TMEM143: variants seen among roughly 807,000 people sequenced by gnomAD.
TMEM143 encodes transmembrane protein 143.
A neutral mutation model predicts 40.3 loss-of-function variants in TMEM143; 45 were observed. That is an observed-to-expected ratio of 1.12 (90% confidence interval 0.88 to 1.43). The LOEUF (loss-of-function observed/expected upper bound fraction) is 1.43. Ranked by LOEUF, TMEM143 falls within the 40% of genes most tolerant of loss-of-function variation. The pLI is 0.00. For missense variants in TMEM143, 620 were observed against 613.4 expected (o/e 1.01, Z -0.11); for synonymous variants, 299 against 282.7 (o/e 1.06, Z -0.58).
intron 6 of TMEM143, among the ~76,000 whole-genome samples, chr19:48,337,589 C>T (rs1473534358): frequency 6.6e-6 from 1 of 151,868 alleles, no homozygotes; most frequent in Non-Finnish European, 1.5e-5. Context: ...AAAGCCTGGC[C>T]CCTCAGAAAC....
At chr19:48,341,026 G>A (rs1464816398) in intron 6 of TMEM143, among the ~76,000 whole-genome samples, 2 of 152,208 alleles carry the variant, frequency 1.3e-5, no homozygotes, top group African/African-American at 4.8e-5. Context: ...CTCTCAGGCG[G>A]CACAGCCTGG....
Position 48,333,364 on chromosome 19 carries a change from A to G in TMEM143, c.1235T>C (p.Phe412Ser). The part of the protein sequence containing the change: ...LLAKSGCEVT[F>S]NGTRALAHLQ... Reference sequence around the variant, plus strand: ...ATGCGCCAGGGCCCGAGTTCCGTTGAAGGTCACCTCACAGCCTGACTTGGC... The same window carrying G: ...ATGCGCCAGGGCCCGAGTTCCGTTGGAGGTCACCTCACAGCCTGACTTGGC... The change falls in exon 8 of 8, where the codon TTC (phenylalanine) becomes TCC (serine). Residue 412 changes from phenylalanine to serine, a missense_variant. By Grantham distance (155) the Phe-to-Ser change is radical. Transcript: ENST00000293261. This position sits in a 1 kb window ranked among gnomAD's most constrained non-coding sequence, Gnocchi z 4.1. 6.2e-7 allele frequency: 1 copy of G among 1,609,444 alleles called. No homozygotes were observed. The highest frequency in any genetic ancestry group is 8.5e-7 in the Non-Finnish European group (1 of 1,176,788).
intron 6 of TMEM143, among the ~76,000 whole-genome samples, chr19:48,341,600 C>A (rs1444771307): frequency 1.3e-5 from 2 of 152,158 alleles, no homozygotes; most frequent in Non-Finnish European, 2.9e-5. Flanking sequence ...ATGTGGGAGG[C>A]TCTATTCTCA....
chr19:48,338,381 TCA>T (rs1013542320), intron 6 of TMEM143, among the ~76,000 whole-genome samples: 1 of 152,146 alleles, frequency 6.6e-6, no homozygotes, highest in Non-Finnish European at 1.5e-5. Context: ...CCCAGTGCTC[TCA>T]GAGTCCAAGC....
chr19:48,357,938 T>C (rs960345838), intron 3 of TMEM143, among the ~76,000 whole-genome samples: 10 of 145,084 alleles, frequency 6.9e-5, no homozygotes, highest in East Asian at 4.0e-4. Flanking sequence ...GGGAGGGGGG[T>C]TGGGATGGGG....
intron 6 of TMEM143, among the ~76,000 whole-genome samples, chr19:48,335,332 G>A (rs537634639): frequency 6.6e-6 from 1 of 152,160 alleles, no homozygotes; most frequent in East Asian, 1.9e-4. Context: ...TAATCCCAAC[G>A]CTGAGAGGCC....
intron 6 of TMEM143, among the ~76,000 whole-genome samples, chr19:48,339,725 C>CTTTG (rs777100997): frequency 1.3e-5 from 2 of 151,868 alleles, no homozygotes; most frequent in East Asian, 1.9e-4. Context: ...TTTTTTGTTT[C>CTTTG]TTTGTTTGTT....
At chr19:48,353,469 C>T (rs570123103) in intron 3 of TMEM143, among the ~76,000 whole-genome samples, 5 of 151,940 alleles carry the variant, frequency 3.3e-5, no homozygotes, top group African/African-American at 9.7e-5. Flanking sequence ...CAGGTGTGAG[C>T]CACCATGCCC....
chr19:48,351,605 C>T (rs1458108855), intron 3 of TMEM143, among the ~76,000 whole-genome samples: 1 of 152,074 alleles, frequency 6.6e-6, no homozygotes, highest in Admixed American at 6.6e-5. Context: ...CCCTCACCTC[C>T]TCTCTCTTCC....
Position 48,333,061 on chromosome 19 carries a change from T to C in TMEM143, c.*158A>G, listed in dbSNP as rs1348919624. Reference sequence around the variant, plus strand: ...ACTTAACAACTGCTAGCTGCTTTGATTGGCTGCTTTGCTTAAGCACACAGT... The same window carrying C: ...ACTTAACAACTGCTAGCTGCTTTGACTGGCTGCTTTGCTTAAGCACACAGT... On this transcript the variant is annotated 3_prime_UTR_variant, in exon 8 of 8. Coordinates refer to ENST00000293261, the MANE Select transcript of TMEM143 (RefSeq NM_018273.4). This position sits in a 1 kb window ranked among gnomAD's most constrained non-coding sequence, Gnocchi z 4.1. 5 of 504,456 alleles carry C rather than the reference T, an allele frequency of 9.9e-6. No individual in the cohort carries two copies. The highest frequency in any genetic ancestry group is 7.5e-5 in the South Asian group (1 of 13,294). 31.2% of individuals were successfully genotyped at this position (504,456 alleles called of 1,614,324 possible).
chr19:48,356,422 G>C (rs1326069261), intron 3 of TMEM143, among the ~76,000 whole-genome samples: 1 of 128,830 alleles, frequency 7.8e-6, no homozygotes, highest in Non-Finnish European at 1.6e-5. Context: ...CACCACGCCC[G>C]GCCCTCCTTT....
intron 3 of TMEM143, among the ~76,000 whole-genome samples, chr19:48,358,295 A>T (rs1969955614): frequency 6.6e-6 from 1 of 151,962 alleles, no homozygotes; most frequent in Non-Finnish European, 1.5e-5. Context: ...GAGGCACAAG[A>T]ATCACTTCAA....
At chr19:48,359,234 T>C (rs1456147824) in intron 3 of TMEM143, among the ~76,000 whole-genome samples, 5 of 152,022 alleles carry the variant, frequency 3.3e-5, no homozygotes, top group Non-Finnish European at 7.4e-5. Flanking sequence ...CAAGGCCCAG[T>C]ACGATCTGTC....
chr19:48,345,203 A>G lies in TMEM143; in HGVS notation c.521T>C (p.Leu174Pro). ...ANFSPLSEDT[L>P]AYALVVHHPQ... The stretch of plus-strand genomic sequence containing the variant: ...GTGGTGGACCACCAGCGCGTAGGCC[A>G]GGGTGTCCTCAGACAGCGGGGAGAA... Residue 174 changes from leucine (L) to proline (P), a missense_variant, in exon 4 of 8, where the codon CTG becomes CCG. Coordinates refer to ENST00000293261, the MANE Select transcript of TMEM143 (RefSeq NM_018273.4). 2 of 1,613,650 alleles carry G rather than the reference A, an allele frequency of 1.2e-6. No homozygotes were observed. The highest frequency in any genetic ancestry group is 8.5e-7 in the Non-Finnish European group (1 of 1,179,748).
intron 6 of TMEM143, among the ~76,000 whole-genome samples, chr19:48,334,644 A>G (rs1969328000): frequency 8.1e-6 from 1 of 123,870 alleles, no homozygotes; most frequent in Non-Finnish European, 1.6e-5. Flanking sequence ...TTCAGTGGCT[A>G]TTCACAGGCA....
chr19:48,361,559 C>T (rs1970041527), intron 2 of TMEM143, among the ~76,000 whole-genome samples: 2 of 129,506 alleles, frequency 1.5e-5, no homozygotes, highest in Non-Finnish European at 3.2e-5. Flanking sequence ...GAGATGGAGT[C>T]TTGCTCTGTT....
intron 6 of TMEM143, among the ~76,000 whole-genome samples, chr19:48,334,484 C>CTTTCTT: frequency 7.0e-5 from 3 of 42,904 alleles, no homozygotes; most frequent in Non-Finnish European, 1.8e-4. Flanking sequence ...CTTTCTTTTT[C>CTTTCTT]TTTCTTTCTT....
At chr19:48,358,229 C>T (rs531167772) in intron 3 of TMEM143, among the ~76,000 whole-genome samples, 2 of 151,880 alleles carry the variant, frequency 1.3e-5, no homozygotes, top group African/African-American at 2.4e-5. Context: ...ACTAAAAATA[C>T]AAAAATTAGC....
intron 3 of TMEM143, 108 bp from the exon 4 acceptor site, chr19:48,345,462 A>C: frequency 1.5e-6 from 1 of 687,312 alleles, no homozygotes; most frequent in Non-Finnish European, 2.0e-6. Context: ...TTATTTATTT[A>C]TTTATTTATT....
Sources: allele counts gnomAD v4.1 joint callset (sites outside exome capture counted in the v4.1 genomes callset), GRCh38; gene constraint gnomAD v4.1.1; non-coding constraint Gnocchi (gnomAD v3.1); transcripts MANE v1.5; gene names NCBI Gene and HGNC (gene_info 2026-07-23, HGNC 2026-07-21).